ZBP1: variants seen among roughly 807,000 people sequenced by gnomAD.
The protein encoded by ZBP1 is Z-DNA binding protein 1.
In ZBP1, 42 loss-of-function variants were observed where a neutral mutation model predicts 41.1. The observed-to-expected ratio is 1.02, with a 90% CI of 0.80 to 1.32. The LOEUF is 1.32. Ranked by LOEUF, ZBP1 falls within the 40% of genes most tolerant of loss-of-function variation. The probability of loss-of-function intolerance (pLI) is 0.00; values close to 1 mark genes in which losing one functional copy is unlikely to be tolerated. For synonymous variants in ZBP1, 214 were observed against 205.2 expected, an observed-to-expected ratio of 1.04 and a Z score of -0.37; for missense variants, 562 against 549.7, an observed-to-expected ratio of 1.02 and a Z score of -0.22.
intron 4 of ZBP1, among the ~76,000 whole-genome samples, chr20:57,614,236 T>C (rs143289919): frequency 0.042 from 6,391 of 152,124 alleles, 432 homozygotes; most frequent in African/African-American, 0.14. Flanking sequence ...GGTTTCGCCA[T>C]GTTGGCCAGA....
In ZBP1 at chr20:57,610,104, G is replaced by T; in HGVS notation, c.1093+45C>A. The T allele has an allele frequency of 6.6e-7, 1 of 1,510,360 alleles. No homozygotes were observed. The highest frequency in any genetic ancestry group is 9.2e-7 in the Non-Finnish European group (1 of 1,091,418). The allele number at this position is 1,510,360 out of a possible 1,614,324, so 93.6% of individuals were successfully genotyped here. On this transcript the variant is annotated intron_variant, in intron 7 of 7. Transcript: ENST00000371173. This position sits in a 1 kb window ranked among gnomAD's most constrained non-coding sequence, Gnocchi z 5.5. Reference sequence around the variant, plus strand: ...AATGAATGAATGAGTGGAAGGTGGGGAGAGAGAGAGAACACACAGGGGTCC... The same window carrying T: ...AATGAATGAATGAGTGGAAGGTGGGTAGAGAGAGAGAACACACAGGGGTCC...
chr20:57,609,634 C>T (rs991722671), intron 7 of ZBP1, among the ~76,000 whole-genome samples: 1 of 152,034 alleles, frequency 6.6e-6, no homozygotes, highest in Non-Finnish European at 1.5e-5. Context: ...CTGCTACCCT[C>T]ACCCGGACAT....
At chr20:57,617,957 T>G (rs1363471169) in intron 1 of ZBP1, 1 of 152,170 alleles carries the variant, frequency 6.6e-6, no homozygotes, top group African/African-American at 2.4e-5. Flanking sequence ...CCTTGGCCAG[T>G]TGGCAATGTG....
chr20:57,620,232 G>A (rs777732744), intron 1 of ZBP1, 30 bp downstream of exon 1: 10 of 1,571,726 alleles, frequency 6.4e-6, no homozygotes, highest in East Asian at 2.3e-5. Flanking sequence ...GGGAGCTACC[G>A]CTGGTCCTTG....
intron 7 of ZBP1, among the ~76,000 whole-genome samples, chr20:57,607,568 G>A (rs1295115831): frequency 6.6e-6 from 1 of 152,222 alleles, no homozygotes; most frequent in African/African-American, 2.4e-5. Context: ...AATTTTGAAA[G>A]AAGTTCTAGT....
rs199679447 is a variant in ZBP1, at chr20:57,610,139, C to G, written c.1093+10G>C. 15 of 1,612,776 alleles carry G rather than the reference C, an allele frequency of 9.3e-6. No homozygotes were observed. The East Asian group carries it at 3.1e-4, about 34-fold the overall frequency. On this transcript the variant is annotated intron_variant, in intron 7 of 7. Transcript: ENST00000371173. This position sits in a 1 kb window ranked among gnomAD's most constrained non-coding sequence, Gnocchi z 5.5. ...GAACACACAGGGGTCCACTCTGCCC[C>G]CTAGCTCACCTGCGTCCTCCCCTGG... is the stretch of plus-strand genomic sequence containing the variant.
rs910176123 is a variant in ZBP1, at chr20:57,604,120, G to C, written c.*453C>G. ...GATTTCCTGACCTATTGATCCGCCCGCCTCGGCCTCCCAAAGTGCTGGGAT... is the reference window on the plus strand; with the variant it reads ...GATTTCCTGACCTATTGATCCGCCCCCCTCGGCCTCCCAAAGTGCTGGGAT... On this transcript the variant is annotated 3_prime_UTR_variant, in exon 8 of 8. Coordinates refer to ENST00000371173, the MANE Select transcript of ZBP1 (RefSeq NM_030776.3). The C allele has an allele frequency of 3.5e-6, 1 of 282,188 alleles. No individual in the cohort carries two copies. The highest frequency in any genetic ancestry group is 7.0e-6 in the Non-Finnish European group (1 of 143,198). 17.5% of individuals were successfully genotyped at this position (282,188 alleles called of 1,614,324 possible). A position where few individuals can be genotyped will look rare whatever the true frequency, so the allele number is the denominator to read the frequency against.
intron 7 of ZBP1, among the ~76,000 whole-genome samples, chr20:57,608,950 G>A (rs969338630): frequency 6.6e-6 from 1 of 152,314 alleles, no homozygotes; most frequent in South Asian, 2.1e-4. Context: ...CAAAAGGGTA[G>A]GAGCGGAAAT....
chr20:57,605,391 A>G (rs2070470309), intron 7 of ZBP1, among the ~76,000 whole-genome samples: 2 of 152,142 alleles, frequency 1.3e-5, no homozygotes, highest in African/African-American at 4.8e-5. Context: ...GGTAATCCTC[A>G]CAATATTTCA....
intron 1 of ZBP1, chr20:57,617,948 C>G (rs1187907567): frequency 6.6e-6 from 1 of 152,160 alleles, no homozygotes; most frequent in Admixed American, 6.5e-5. Context: ...GTAGCTTCTC[C>G]TTGGCCAGTT....
Position 57,604,281 on chromosome 20 carries a change from GGA to G in ZBP1, c.*290_*291del. 1.8e-6 allele frequency: 1 copy of G among 562,912 alleles called. No individual in the cohort carries two copies. The allele number at this position is 562,912 out of a possible 1,614,324, so 34.9% of individuals were successfully genotyped here. A position where few individuals can be genotyped will look rare whatever the true frequency, so the allele number is the denominator to read the frequency against. ...AGATGCCCCGAGCCCAGGAAAGAGT[GGA>G]GAGAGTCCCCTGGGCCTGGGGGACC... On this transcript the variant is annotated 3_prime_UTR_variant, in exon 8 of 8. Coordinates refer to ENST00000371173, the MANE Select transcript of ZBP1 (RefSeq NM_030776.3).
chr20:57,604,529 C>A lies in ZBP1; in HGVS notation c.*44G>T. 6.2e-7 allele frequency: 1 copy of A among 1,602,334 alleles called. No individual in the cohort carries two copies. Among genetic ancestry groups the A allele is most frequent in the Non-Finnish European group, 8.5e-7 (1 of 1,171,836 alleles). On this transcript the variant is annotated 3_prime_UTR_variant, in exon 8 of 8. Coordinates refer to ENST00000371173, the MANE Select transcript of ZBP1 (RefSeq NM_030776.3). ...GCAGCAGGCTAGTCTCCCTAGCATG[C>A]GCCCACCCCCAGCCTGTGTCCAAGC...
intron 1 of ZBP1, 128 bp from the exon 2 acceptor site, chr20:57,616,596 C>A: frequency 4.5e-6 from 4 of 892,258 alleles, no homozygotes; most frequent in Non-Finnish European, 6.8e-6. Context: ...GAGGAAAGGG[C>A]AAGGACCCCA....
chr20:57,603,866 A>G lies in ZBP1; in HGVS notation c.*707T>C. On this transcript the variant is annotated 3_prime_UTR_variant, in exon 8 of 8. Transcript: ENST00000371173. This position sits in a 1 kb window ranked among gnomAD's most constrained non-coding sequence, Gnocchi z 4.6. ...GGGGATTATGGTTGGTTTATTTTTT[A>G]TTTATGTATTTATTTTTTTGAGACG... The G allele has an allele frequency of 6.5e-6, 1 of 154,610 alleles. No individual in the cohort carries two copies. The highest frequency in any genetic ancestry group is 1.4e-5 in the Non-Finnish European group (1 of 71,670). The allele number at this position is 154,610 out of a possible 1,614,324, so 9.6% of individuals were successfully genotyped here.
At position 57,616,341 on chromosome 20, in the gene ZBP1, C is replaced by T. The variant is rs754817223; in HGVS notation, c.162G>A (p.Lys54=). ...ELNQVLYRMK[K]ELKVSLTSPA... is the part of the protein sequence containing the mutation. ...GGGATGTGAGGGAGACTTTCAACTC[C>T]TTTTTCATTCGGTAGAGGACTTGGT... The change falls in exon 2 of 8, where the codon AAG becomes AAA. Residue 54 remains lysine (K), a synonymous_variant. Coordinates refer to ENST00000371173, the MANE Select transcript of ZBP1 (RefSeq NM_030776.3). 4.3e-6 allele frequency: 7 copies of T among 1,614,192 alleles called. No individual in the cohort carries two copies. The highest frequency in any genetic ancestry group is 5.9e-6 in the Non-Finnish European group (7 of 1,180,032).
At chr20:57,612,421 C>A (rs939120028) in intron 5 of ZBP1, among the ~76,000 whole-genome samples, 1 of 152,110 alleles carries the variant, frequency 6.6e-6, no homozygotes, top group East Asian at 1.9e-4. Context: ...ATGGGTATGG[C>A]CAGAATCAGG....
intron 7 of ZBP1, among the ~76,000 whole-genome samples, 179 bp downstream of exon 7, chr20:57,609,970 A>AG (rs1321364214): frequency 1.3e-5 from 2 of 152,106 alleles, no homozygotes; most frequent in African/African-American, 4.8e-5. Context: ...TCCCTCCACT[A>AG]GGGGGACGGA....
intron 7 of ZBP1, among the ~76,000 whole-genome samples, chr20:57,605,277 A>G (rs768595602): frequency 1.3e-5 from 2 of 152,074 alleles, no homozygotes; most frequent in Admixed American, 6.6e-5. Context: ...TATTGCACTC[A>G]TTTTTCACAA....
Position 57,610,185 on chromosome 20 carries a change from C to A in ZBP1, c.1057G>T (p.Ala353Ser). 1.9e-6 allele frequency: 3 copies of A among 1,614,114 alleles called. No homozygotes were observed. The highest frequency in any genetic ancestry group is 2.5e-6 in the Non-Finnish European group (3 of 1,180,024). The change falls in exon 7 of 8, where the codon GCA (alanine) becomes TCA (serine). Residue 353 changes from alanine to serine, a missense_variant. Ala to Ser is a moderately conservative substitution (Grantham distance 99). Coordinates refer to ENST00000371173, the MANE Select transcript of ZBP1 (RefSeq NM_030776.3). This position sits in a 1 kb window ranked among gnomAD's most constrained non-coding sequence, Gnocchi z 5.5. ...SPGVAGPGGV[A>S]GSGEGEPGED... ...CCTGGCTCCCCCTCTCCAGACCCTG[C>A]GACTCCTCCTGGGCCAGCCACCCCT...
Sources: gnomAD v4.1 joint callset for allele counts (sites outside exome capture counted in the v4.1 genomes callset) on GRCh38, gnomAD v4.1.1 for gene constraint, Gnocchi (gnomAD v3.1) non-coding constraint, MANE v1.5 for transcripts, NCBI Gene and HGNC (gene_info 2026-07-23, HGNC 2026-07-21) for gene names.